CHRNG: variants seen among roughly 807,000 people sequenced by gnomAD.
The protein encoded by CHRNG is acetylcholine receptor subunit gamma.
In CHRNG, 72 loss-of-function variants were observed where a neutral mutation model predicts 65.2. That is an observed-to-expected ratio of 1.10 (90% CI 0.91 to 1.34). CHRNG has a LOEUF of 1.34. Ranked by LOEUF, CHRNG falls within the 40% of genes most tolerant of loss-of-function variation. The pLI is 0.00. For missense variants in CHRNG, 637 were observed against 680.1 expected (o/e 0.94, Z 0.70); for synonymous variants, 284 against 290.2 (o/e 0.98, Z 0.22).
Position 232,547,142 on chromosome 2 carries a change from C to T in CHRNG, c.*1426C>T, listed in dbSNP as rs1019558955. Among the ~76,000 whole-genome samples, 2 of 152,142 alleles carry T rather than the reference C, an allele frequency of 1.3e-5. No individual in the cohort carries two copies. Among genetic ancestry groups the T allele is most frequent in the Non-Finnish European group, 2.9e-5 (2 of 68,022 alleles). Reference sequence around the variant, plus strand: ...CCATTCCTGGCCAGGTGTGGTGGCTCACACCTGCAATCCCAGCACCTTGGG... The same window carrying T: ...CCATTCCTGGCCAGGTGTGGTGGCTTACACCTGCAATCCCAGCACCTTGGG... On this transcript the variant is annotated 3_prime_UTR_variant, in exon 12 of 12. Transcript: ENST00000651502.
In CHRNG at chr2:232,545,460, GC is replaced by G. The variant is rs1484934379; in HGVS notation, c.1381-82del. 5.4e-5 allele frequency: 68 copies of G among 1,270,508 alleles called. 2 individuals carry two copies. Among genetic ancestry groups the G allele is most frequent in the South Asian group, 4.8e-4 (38 of 79,254 alleles). The allele number at this position is 1,270,508 out of a possible 1,614,324, so 78.7% of individuals were successfully genotyped here. A position where few individuals can be genotyped will look rare whatever the true frequency, so the allele number is the denominator to read the frequency against. ...CCCCAGGAAATGGAGACATGGGCCT[GC>G]TGGAAGCCCAAGGATGAGAACAGGA... On this transcript the variant is annotated intron_variant, in intron 11 of 11. Transcript: ENST00000651502.
chr2:232,539,939 C>A lies in CHRNG; in HGVS notation c.56-53C>A, dbSNP rs1691979114. On this transcript the variant is annotated intron_variant, in intron 1 of 11. Coordinates refer to ENST00000651502, the MANE Select transcript of CHRNG (RefSeq NM_005199.5). ...TCCCCACTTCACACCCCCAGGGCCTCCCCGCTCTTTCCACCTCCAAGCTCC... is the reference window on the plus strand; with the variant it reads ...TCCCCACTTCACACCCCCAGGGCCTACCCGCTCTTTCCACCTCCAAGCTCC... The A allele has an allele frequency of 1.9e-6, 3 of 1,613,238 alleles. No homozygotes were observed. In the African/African-American group the frequency reaches 4.0e-5, roughly 22 times the overall value.
chr2:232,544,642 G>A, intron 10 of CHRNG, 62 bp downstream of exon 10: 2 of 1,570,888 alleles, frequency 1.3e-6, no homozygotes, highest in African/African-American at 1.3e-5. Flanking sequence ...GGGGAGCCAG[G>A]CACAGCAGAT....
chr2:232,542,648 A>G (rs1426947014), intron 6 of CHRNG, 128 bp downstream of exon 6: 1 of 756,250 alleles, frequency 1.3e-6, no homozygotes, highest in East Asian at 2.7e-5. Context: ...AGCAAACCAT[A>G]AAATATGCTT....
chr2:232,542,966 AGGT>A lies in CHRNG; in HGVS notation c.694_696del (p.Val232del). 4 of 1,614,112 alleles carry A rather than the reference AGGT, an allele frequency of 2.5e-6. No homozygotes were observed. Among genetic ancestry groups the A allele is most frequent in the Non-Finnish European group, 3.4e-6 (4 of 1,179,932 alleles). ...CCAGCCCAGGAAGCAGGCCACCAGAAGGTGGTGTTCTACCTGCTCATCCAGCGC... is the reference window on the plus strand; with the variant it reads ...CCAGCCCAGGAAGCAGGCCACCAGAAGGTGTTCTACCTGCTCATCCAGCGC... On this transcript the variant is annotated inframe_deletion, in exon 7 of 12. Transcript: ENST00000651502.
At chr2:232,542,719 G>T (rs1384027461) in intron 6 of CHRNG, among the ~76,000 whole-genome samples, 163 bp from the exon 7 acceptor site, 3 of 152,230 alleles carry the variant, frequency 2.0e-5, no homozygotes, top group African/African-American at 7.2e-5. Context: ...TTTAGAAGAG[G>T]CTCGAGCATC....
chr2:232,540,033 C>T lies in CHRNG; in HGVS notation c.97C>T (p.Leu33=). The T allele has an allele frequency of 6.2e-7, 1 of 1,614,202 alleles. No homozygotes were observed. The highest frequency in any genetic ancestry group is 8.5e-7 in the Non-Finnish European group (1 of 1,180,026). The change falls in exon 2 of 12, where the codon CTG becomes TTG. Residue 33 remains leucine (L), a synonymous_variant. Coordinates refer to ENST00000651502, the MANE Select transcript of CHRNG (RefSeq NM_005199.5). This position sits in a 1 kb window ranked among gnomAD's most constrained non-coding sequence, Gnocchi z 4.2. ...RNQEERLLAD[L]MQNYDPNLRP... ...CCAGGAGGAGCGCCTGCTCGCAGAC[C>T]TGATGCAAAACTACGACCCCAACCT...
rs199499179 is a variant in CHRNG at position 232,543,272 on chromosome 2, T to C, written c.806-3T>C. On this transcript the variant is annotated splice_region_variant and splice_polypyrimidine_tract_variant and intron_variant, in intron 7 of 11. Coordinates refer to ENST00000651502, the MANE Select transcript of CHRNG (RefSeq NM_005199.5). ...GCTCTGAGAGCCTCTCGGTCATGGA[T>C]AGCTGGGGGCCAGAAGTGTACCGTC... is the stretch of plus-strand genomic sequence containing the variant. 7.1e-5 allele frequency: 114 copies of C among 1,612,994 alleles called. 1 individual carries two copies. Among genetic ancestry groups the C allele is most frequent in the Non-Finnish European group, 9.0e-5 (106 of 1,179,142 alleles).
chr2:232,547,247 C>G lies in CHRNG; in HGVS notation c.*1531C>G, dbSNP rs1280085932. 6.6e-6 allele frequency among the ~76,000 whole-genome samples: 1 copy of G among 151,926 alleles called. No homozygotes were observed. The highest frequency in any genetic ancestry group is 1.5e-5 in the Non-Finnish European group (1 of 67,976). ...GCCTGGGCAACATGGGGACACCCGGCCTCTACCAAAAAATACAAAACTTAG... is the reference window on the plus strand; with the variant it reads ...GCCTGGGCAACATGGGGACACCCGGGCTCTACCAAAAAATACAAAACTTAG... On this transcript the variant is annotated 3_prime_UTR_variant, in exon 12 of 12. Coordinates refer to ENST00000651502, the MANE Select transcript of CHRNG (RefSeq NM_005199.5).
rs1300829750 is a variant in CHRNG, at chr2:232,541,191, G to A, written c.351-183G>A. Among the ~76,000 whole-genome samples, 2 of 151,818 alleles carry A rather than the reference G, an allele frequency of 1.3e-5. No individual in the cohort carries two copies. The highest frequency in any genetic ancestry group is 2.4e-5 in the African/African-American group (1 of 41,274). ...CCTGAGGAAGTCTGTCTGGGGCGGG[G>A]GGTGGCAGGAGGATTGCTGGGGGGA... is the stretch of plus-strand genomic sequence containing the variant. On this transcript the variant is annotated intron_variant, in intron 4 of 11. Transcript: ENST00000651502. The surrounding 1 kb of genome is among the most constrained non-coding windows in gnomAD (Gnocchi z 4.0).
chr2:232,546,111 G>T lies in CHRNG; in HGVS notation c.*395G>T. 1 of 344,958 alleles carries T rather than the reference G, an allele frequency of 2.9e-6. No homozygotes were observed. The highest frequency in any genetic ancestry group is 2.3e-5 in the South Asian group (1 of 42,808). 21.4% of individuals were successfully genotyped at this position (344,958 alleles called of 1,614,324 possible). A position where few individuals can be genotyped will look rare whatever the true frequency, so the allele number is the denominator to read the frequency against. ...CTTTTACAAGTTCTCCCTGAAAGAG[G>T]GCAGTCACAAGAGGTGTGAAGAGTA... On this transcript the variant is annotated 3_prime_UTR_variant, in exon 12 of 12. Coordinates refer to ENST00000651502, the MANE Select transcript of CHRNG (RefSeq NM_005199.5).
At chr2:232,543,200 A>AT (rs1448628630) in intron 7 of CHRNG, 75 bp from the exon 8 acceptor site, 2 of 1,516,318 alleles carry the variant, frequency 1.3e-6, no homozygotes, top group Admixed American at 1.7e-5. Context: ...GCAGCGGGCT[A>AT]CTTCTGGGGT....
In CHRNG at chr2:232,540,683, T is replaced by C; in HGVS notation, c.322T>C (p.Trp108Arg). 1 of 1,612,152 alleles carries C rather than the reference T, an allele frequency of 6.2e-7. No homozygotes were observed. The highest frequency in any genetic ancestry group is 2.2e-5 in the East Asian group (1 of 44,860). The change falls in exon 4 of 12, where the codon TGG becomes CGG. Residue 108 changes from tryptophan (W) to arginine (R), a missense_variant. By Grantham distance (101) the Trp-to-Arg change is moderately radical. Transcript: ENST00000651502. The surrounding 1 kb of genome is among the most constrained non-coding windows in gnomAD (Gnocchi z 4.2). ...WVLRVPSTMV[W>R]RPDIVLENNV... ...GCTGAGGGTGCCGTCCACCATGGTG[T>C]GGCGGCCGGATATCGTGCTGGAGAA...
Position 232,547,316 on chromosome 2 carries a change from G to A in CHRNG, c.*1600G>A, listed in dbSNP as rs1487025426. ...GCCTGTAGTCCCAGTTACTCGGGAG[G>A]CTGAGGTGGGAGGATCGCTTGAGCC... On this transcript the variant is annotated 3_prime_UTR_variant, in exon 12 of 12. Coordinates refer to ENST00000651502, the MANE Select transcript of CHRNG (RefSeq NM_005199.5). Among the ~76,000 whole-genome samples, 1 of 152,180 alleles carries A rather than the reference G, an allele frequency of 6.6e-6. No individual in the cohort carries two copies. Among genetic ancestry groups the A allele is most frequent in the Non-Finnish European group, 1.5e-5 (1 of 68,036 alleles).
chr2:232,540,840 A>C lies in CHRNG; in HGVS notation c.350+129A>C. On this transcript the variant is annotated intron_variant, in intron 4 of 11. Coordinates refer to ENST00000651502, the MANE Select transcript of CHRNG (RefSeq NM_005199.5). This position sits in a 1 kb window ranked among gnomAD's most constrained non-coding sequence, Gnocchi z 4.2. Reference sequence around the variant, plus strand: ...AAATCGGGCACCTGTGGGGCTAGGGAAGAACTGGATGGAGCAGGTGCCGAG... The same window carrying C: ...AAATCGGGCACCTGTGGGGCTAGGGCAGAACTGGATGGAGCAGGTGCCGAG... 1 of 870,564 alleles carries C rather than the reference A, an allele frequency of 1.1e-6. No homozygotes were observed. Among genetic ancestry groups the C allele is most frequent in the Non-Finnish European group, 1.8e-6 (1 of 548,478 alleles). 53.9% of individuals were successfully genotyped at this position (870,564 alleles called of 1,614,324 possible). A position where few individuals can be genotyped will look rare whatever the true frequency, so the allele number is the denominator to read the frequency against.
In CHRNG at chr2:232,540,551, G is replaced by A. The variant is rs1691994586; in HGVS notation, c.241-51G>A. The A allele has an allele frequency of 1.3e-5, 21 of 1,602,238 alleles. No individual in the cohort carries two copies. The highest frequency in any genetic ancestry group is 1.8e-5 in the Non-Finnish European group (21 of 1,175,534). On this transcript the variant is annotated intron_variant, in intron 3 of 11. Coordinates refer to ENST00000651502, the MANE Select transcript of CHRNG (RefSeq NM_005199.5). The surrounding 1 kb of genome is among the most constrained non-coding windows in gnomAD (Gnocchi z 4.2). Reference sequence around the variant, plus strand: ...CTTGGGCTGGATGCCCACTCCTAGGGCTGTGGTGCAGCAGAGGGCAGAGGC... The same window carrying A: ...CTTGGGCTGGATGCCCACTCCTAGGACTGTGGTGCAGCAGAGGGCAGAGGC...
intron 7 of CHRNG, 71 bp downstream of exon 7, chr2:232,543,153 C>G: frequency 6.5e-7 from 1 of 1,549,888 alleles, no homozygotes; most frequent in South Asian, 1.1e-5. Flanking sequence ...GTGGGCCCTG[C>G]CTGGGGAACA....
At position 232,548,068 on chromosome 2, in the gene CHRNG, T is replaced by C. The variant is rs1692161877; in HGVS notation, c.*2352T>C. On this transcript the variant is annotated 3_prime_UTR_variant, in exon 12 of 12. Coordinates refer to ENST00000651502, the MANE Select transcript of CHRNG (RefSeq NM_005199.5). Reference sequence around the variant, plus strand: ...TGTCTAATAAAACAATATACATACCTAAATTTAAAAATACTTTATTGCTAA... The same window carrying C: ...TGTCTAATAAAACAATATACATACCCAAATTTAAAAATACTTTATTGCTAA... 1 of 597,706 alleles carries C rather than the reference T, an allele frequency of 1.7e-6. No homozygotes were observed. Among genetic ancestry groups the C allele is most frequent in the Non-Finnish European group, 2.9e-6 (1 of 345,820 alleles). 37.0% of individuals were successfully genotyped at this position (597,706 alleles called of 1,614,324 possible).
rs1418539550 is a variant in CHRNG, at chr2:232,543,084, T to C, written c.805+2T>C. On this transcript the variant is annotated splice_donor_variant, in intron 7 of 11. Coordinates refer to ENST00000651502, the MANE Select transcript of CHRNG (RefSeq NM_005199.5). LOFTEE classifies it high-confidence loss of function. ...TCATCCACTTCCTTCCTGCCAAGGG[T>C]ACCTGGAGCCTATGGGAAGGAGCCA... 16 of 1,613,842 alleles carry C rather than the reference T, an allele frequency of 9.9e-6. No homozygotes were observed. The highest frequency in any genetic ancestry group is 1.4e-5 in the Non-Finnish European group (16 of 1,179,768).
Sources: gnomAD v4.1 joint callset for allele counts (sites outside exome capture counted in the v4.1 genomes callset) on GRCh38, gnomAD v4.1.1 for gene constraint, Gnocchi (gnomAD v3.1) non-coding constraint, MANE v1.5 for transcripts, NCBI Gene and HGNC (gene_info 2026-07-23, HGNC 2026-07-21) for gene names.